LOXHD1: variants seen among roughly 807,000 people sequenced by gnomAD.
LOXHD1 encodes the protein lipoxygenase homology domain-containing protein 1.
In LOXHD1, 205 loss-of-function variants were observed where a neutral mutation model predicts 248.2. The observed-to-expected ratio is 0.83, with a 90% CI of 0.74 to 0.93. LOXHD1 has a LOEUF of 0.93. LOXHD1 is among the 40% of genes least tolerant of loss of function. The pLI, the probability that LOXHD1 is intolerant of heterozygous loss-of-function variation, is 0.00. For missense variants in LOXHD1, 2,930 were observed against 2,971.6 expected (o/e 0.99, Z 0.33); for synonymous variants, 1,113 against 1,162.8 (o/e 0.96, Z 0.87).
At chr18:46,526,941 A>G (rs1395434984) in intron 29 of LOXHD1, among the ~76,000 whole-genome samples, 1 of 152,184 alleles carries the variant, frequency 6.6e-6, no homozygotes. Flanking sequence ...TGACTTCCAT[A>G]TTCTGGAGTG....
chr18:46,640,367 A>T (rs577166023), intron 3 of LOXHD1, among the ~76,000 whole-genome samples: 1 of 152,202 alleles, frequency 6.6e-6, no homozygotes, highest in Admixed American at 6.5e-5. Flanking sequence ...CCCTCTCTTC[A>T]TCATGACTCC....
chr18:46,647,467 G>C (rs1182644961), intron 2 of LOXHD1, among the ~76,000 whole-genome samples: 1 of 152,212 alleles, frequency 6.6e-6, no homozygotes, highest in African/African-American at 2.4e-5. Context: ...TGTTTTAAAA[G>C]GAAAAGCTGG....
intron 11 of LOXHD1, 28 bp from the exon 12 acceptor site, chr18:46,592,096 T>G: frequency 6.4e-7 from 1 of 1,552,212 alleles, no homozygotes; most frequent in Non-Finnish European, 8.7e-7. Flanking sequence ...GGTGAGCAAG[T>G]TGGTGCACCA....
chr18:46,603,960 G>A, intron 7 of LOXHD1, 146 bp downstream of exon 7: 1 of 1,145,292 alleles, frequency 8.7e-7, no homozygotes. Flanking sequence ...CAGTGGGACA[G>A]AACAGTTTCA....
rs72915433 is a variant in LOXHD1 at position 46,632,163 on chromosome 18, T to C, written c.511+7453A>G. On this transcript the variant is annotated intron_variant, in intron 4 of 40. Transcript: ENST00000642948. The stretch of plus-strand genomic sequence containing the variant: ...CTCGGAGTTTTAAGAAGATACTACT[T>C]GTAAAATGTATGCACACAAAGACAC... Among the ~76,000 whole-genome samples, 417 of 152,164 alleles carry C rather than the reference T, an allele frequency of 2.7e-3. 8 individuals are homozygous for C. Among genetic ancestry groups the C allele is most frequent in the Non-Finnish European group, 2.9e-3 (197 of 67,966 alleles).
chr18:46,616,740 T>C (rs771552637), intron 5 of LOXHD1, among the ~76,000 whole-genome samples: 5 of 152,222 alleles, frequency 3.3e-5, no homozygotes, highest in African/African-American at 4.8e-5. Context: ...TATAGAATTA[T>C]GGGGTGATAT....
chr18:46,637,035 A>G (rs956401031), intron 4 of LOXHD1, among the ~76,000 whole-genome samples: 4 of 152,130 alleles, frequency 2.6e-5, no homozygotes, highest in Non-Finnish European at 4.4e-5. Flanking sequence ...AGTCCCAGCT[A>G]CTCAGGAGGC....
rs148326858 is a variant in LOXHD1, at chr18:46,624,516, G to A, written c.512-6226C>T. 5.2e-3 allele frequency among the ~76,000 whole-genome samples: 792 copies of A among 152,288 alleles called. 5 individuals are homozygous for A. The highest frequency in any genetic ancestry group is 7.6e-3 in the Admixed American group (116 of 15,298). ...GACCAATGGATTCCCTCCCAGTCAT[G>A]TAGACTCCAGTTCTTTCCCCCATGC... On this transcript the variant is annotated intron_variant, in intron 4 of 40. Coordinates refer to ENST00000642948, the MANE Select transcript of LOXHD1 (RefSeq NM_001384474.1).
At chr18:46,619,493 G>T (rs1251567376) in intron 4 of LOXHD1, among the ~76,000 whole-genome samples, 2 of 152,166 alleles carry the variant, frequency 1.3e-5, no homozygotes, top group African/African-American at 4.8e-5. Context: ...TAGGAGGGCT[G>T]GGAGCAGGAC....
chr18:46,594,931 A>G (rs927888142), intron 8 of LOXHD1, among the ~76,000 whole-genome samples: 2 of 152,126 alleles, frequency 1.3e-5, no homozygotes, highest in African/African-American at 2.4e-5. Flanking sequence ...TACCTTCTCT[A>G]TCTCTACCCA....
At chr18:46,640,852 AC>A (rs2038953938) in intron 3 of LOXHD1, among the ~76,000 whole-genome samples, 1 of 152,030 alleles carries the variant, frequency 6.6e-6, no homozygotes, top group Non-Finnish European at 1.5e-5. Context: ...CAGTTTCTTG[AC>A]CCCTGGACCT....
At chr18:46,635,026 T>C (rs1047248110) in intron 4 of LOXHD1, among the ~76,000 whole-genome samples, 10 of 152,102 alleles carry the variant, frequency 6.6e-5, no homozygotes, top group African/African-American at 2.2e-4. Flanking sequence ...TCTGTGCTAA[T>C]GGTCCCCTGT....
At chr18:46,505,349 C>G (rs558434323) in intron 37 of LOXHD1, among the ~76,000 whole-genome samples, 54 of 152,050 alleles carry the variant, frequency 3.6e-4, no homozygotes, top group African/African-American at 1.2e-3. Context: ...CCCAGCTATT[C>G]TTTTTTATTA....
intron 40 of LOXHD1, among the ~76,000 whole-genome samples, chr18:46,480,401 C>T (rs1193542993): frequency 6.6e-6 from 1 of 152,190 alleles, no homozygotes; most frequent in Non-Finnish European, 1.5e-5. Flanking sequence ...AACGGCATCA[C>T]ATAAGACATG....
Position 46,638,982 on chromosome 18 carries a change from C to A in LOXHD1, c.511+634G>T, listed in dbSNP as rs539497978. On this transcript the variant is annotated intron_variant, in intron 4 of 40. Transcript: ENST00000642948. Reference sequence around the variant, plus strand: ...GATGGTGCCGGCAATGTAATGCCCCCCTTTTTGGAAAAGCAAATATGTTCT... The same window carrying A: ...GATGGTGCCGGCAATGTAATGCCCCACTTTTTGGAAAAGCAAATATGTTCT... 7.9e-5 allele frequency among the ~76,000 whole-genome samples: 12 copies of A among 152,276 alleles called. 1 individual carries two copies. The highest frequency in any genetic ancestry group is 1.2e-4 in the Non-Finnish European group (8 of 68,032).
At chr18:46,488,920 T>C (rs1023615525) in intron 38 of LOXHD1, 52 bp downstream of exon 38, 1 of 1,529,244 alleles carries the variant, frequency 6.5e-7, no homozygotes, top group African/African-American at 1.4e-5. Context: ...TGTCTTCTTA[T>C]TCCAGCACCA....
At position 46,601,304 on chromosome 18, in the gene LOXHD1, G is replaced by T. The variant is rs765238879; in HGVS notation, c.1047C>A (p.Ile349=). Residue 349 remains isoleucine, a synonymous_variant, in exon 8 of 41, where the codon ATC becomes ATA. Transcript: ENST00000642948. ...FDRGRTDIFH[I]ELAVLLSPLS... Reference sequence around the variant, plus strand: ...GGGGGCTAAGGAGGACAGCCAGCTCGATGTGGAAGATGTCCGTGCGGCCTC... The same window carrying T: ...GGGGGCTAAGGAGGACAGCCAGCTCTATGTGGAAGATGTCCGTGCGGCCTC... 1.5e-5 allele frequency: 23 copies of T among 1,551,708 alleles called. No homozygotes were observed. The highest frequency in any genetic ancestry group is 2.0e-5 in the Non-Finnish European group (23 of 1,146,990).
chr18:46,483,572 A>G lies in LOXHD1; in HGVS notation c.6341+15T>C, dbSNP rs1161293061. 6.4e-7 allele frequency: 1 copy of G among 1,551,174 alleles called. No homozygotes were observed. The highest frequency in any genetic ancestry group is 1.2e-5 in the South Asian group (1 of 84,018). ...GAGGGAGTGGCACTTCCTTGGGGAGAGGCTCAGTACATACACATTGCCGTA... is the reference window on the plus strand; with the variant it reads ...GAGGGAGTGGCACTTCCTTGGGGAGGGGCTCAGTACATACACATTGCCGTA... On this transcript the variant is annotated intron_variant, in intron 40 of 40. Coordinates refer to ENST00000642948, the MANE Select transcript of LOXHD1 (RefSeq NM_001384474.1).
At chr18:46,536,809 A>G (rs1011020478) in intron 26 of LOXHD1, among the ~76,000 whole-genome samples, 14 of 152,194 alleles carry the variant, frequency 9.2e-5, no homozygotes, top group Admixed American at 9.2e-4. Context: ...CCCGGGATAG[A>G]GACTGGCCCA....
Sources: gnomAD v4.1 joint callset for allele counts (sites outside exome capture counted in the v4.1 genomes callset) on GRCh38, gnomAD v4.1.1 for gene constraint, MANE v1.5 for transcripts, NCBI Gene and HGNC (gene_info 2026-07-23, HGNC 2026-07-21) for gene names.